AR: variants seen among roughly 807,000 people sequenced by gnomAD.
AR encodes the protein dihydrotestosterone receptor.
A neutral mutation model predicts 53.9 loss-of-function variants in AR; 8 were observed. The ratio of observed to expected loss-of-function variants is 0.15; its 90% CI spans 0.09 to 0.27. The LOEUF (loss-of-function observed/expected upper bound fraction) is 0.27. Among genes scored for constraint, AR ranks in the 10% least tolerant of loss-of-function variants. The pLI, the probability that AR is intolerant of heterozygous loss-of-function variation, is 1.00. For missense variants in AR, 639 were observed against 742.5 expected, an observed-to-expected ratio of 0.86 and a Z score of 1.62; for synonymous variants, 359 against 316.4, an observed-to-expected ratio of 1.13 and a Z score of -1.43.
intron 1 of AR, among the ~76,000 whole-genome samples, chrX:67,613,681 A>C (rs1025249933): frequency 9.0e-6 from 1 of 111,699 alleles, no homozygotes; most frequent in African/African-American, 3.3e-5. Flanking sequence ...TCCATCAGTA[A>C]AATGTGGAGG....
At chrX:67,612,634 A>G (rs1923934726) in intron 1 of AR, among the ~76,000 whole-genome samples, 1 of 112,486 alleles carries the variant, frequency 8.9e-6, no homozygotes, top group South Asian at 3.7e-4. Context: ...GGAATGGCAG[A>G]TCAAGGATCT....
At chrX:67,620,831 A>G (rs1468504992) in intron 1 of AR, among the ~76,000 whole-genome samples, 1 of 111,627 alleles carries the variant, frequency 9.0e-6, no homozygotes, top group African/African-American at 3.3e-5. Flanking sequence ...GGATATTTGT[A>G]TCTTTGGGCC....
chrX:67,694,629 G>A lies in AR; in HGVS notation c.1885+8503G>A, dbSNP rs182170143. 197 of 1,150,457 alleles carry A rather than the reference G, an allele frequency of 1.7e-4. No individual in the cohort carries two copies. The East Asian group carries it at 3.8e-3, about 22-fold the overall frequency. 94.8% of individuals were successfully genotyped at this position (1,150,457 alleles called of 1,213,427 possible). ...TATGGAGCCTGCTAGATACAAGCCC[G>A]TATTTAGACTGCTACAGTCAACAAT... On this transcript the variant is annotated intron_variant, in intron 3 of 7. Transcript: ENST00000374690.
Position 67,678,440 on chromosome X carries a change from C to T in AR, c.1769-7570C>T, listed in dbSNP as rs763050227. 2.7e-5 allele frequency among the ~76,000 whole-genome samples: 3 copies of T among 111,992 alleles called. No individual in the cohort carries two copies. The East Asian group carries it at 8.4e-4, about 31-fold the overall frequency. On this transcript the variant is annotated intron_variant, in intron 2 of 7. Coordinates refer to ENST00000374690, the MANE Select transcript of AR (RefSeq NM_000044.6). ...CTTATTTCACTTAGCATAATGTCTT[C>T]CAGCATCATCTATGTTGCTGCAAAT...
chrX:67,728,865 T>G lies in AR; in HGVS notation c.*5024T>G. On this transcript the variant is annotated 3_prime_UTR_variant, in exon 8 of 8. Coordinates refer to ENST00000374690, the MANE Select transcript of AR (RefSeq NM_000044.6). ...ACATGATACATTGTACTTTACTAGT[T>G]CAAGACAGATGAATGTGGAAAGCAT... 5.9e-6 allele frequency: 1 copy of G among 169,975 alleles called. No homozygotes were observed. The highest frequency in any genetic ancestry group is 8.4e-5 in the East Asian group (1 of 11,884). The allele number at this position is 169,975 out of a possible 1,213,427, so 14.0% of individuals were successfully genotyped here.
At chrX:67,610,273 T>A (rs1314562004) in intron 1 of AR, among the ~76,000 whole-genome samples, 1 of 111,575 alleles carries the variant, frequency 9.0e-6, no homozygotes, top group Admixed American at 9.6e-5. Context: ...ACTAATTAAT[T>A]AATGTCATAA....
At chrX:67,579,926 A>C (rs2147354234) in intron 1 of AR, among the ~76,000 whole-genome samples, 1 of 111,235 alleles carries the variant, frequency 9.0e-6, no homozygotes, top group Admixed American at 9.6e-5. Flanking sequence ...GAAAGGGTTA[A>C]ATTGTTCCTT....
rs900608347 is a variant in AR at position 67,724,629 on chromosome X, T to G, written c.*788T>G. 1.1e-5 allele frequency: 2 copies of G among 173,941 alleles called. No individual in the cohort carries two copies. The highest frequency in any genetic ancestry group is 2.2e-5 in the Non-Finnish European group (2 of 91,576). 14.3% of individuals were successfully genotyped at this position (173,941 alleles called of 1,213,427 possible). On this transcript the variant is annotated 3_prime_UTR_variant, in exon 8 of 8. Coordinates refer to ENST00000374690, the MANE Select transcript of AR (RefSeq NM_000044.6). ...AGTACCTGCCCACAGCCTTGGTCCC[T>G]GGGGGCTAGACTGCTCAACTGTGGA... is the stretch of plus-strand genomic sequence containing the variant.
intron 1 of AR, among the ~76,000 whole-genome samples, chrX:67,617,517 C>A (rs1006619406): frequency 8.1e-5 from 9 of 111,515 alleles, no homozygotes; most frequent in African/African-American, 2.3e-4. Flanking sequence ...CGTTAAAGAA[C>A]CCCTAATCCA....
chrX:67,583,841 C>T (rs1294006913), intron 1 of AR, among the ~76,000 whole-genome samples: 1 of 111,837 alleles, frequency 8.9e-6, no homozygotes, highest in Non-Finnish European at 1.9e-5. Flanking sequence ...TTTAGGAATA[C>T]ACATGTGATC....
intron 1 of AR, among the ~76,000 whole-genome samples, chrX:67,589,121 G>C (rs749674714): frequency 8.9e-6 from 1 of 111,883 alleles, no homozygotes; most frequent in South Asian, 3.7e-4. Flanking sequence ...TAATTAGCCG[G>C]GCGCGGTGGC....
At chrX:67,605,685 T>TA (rs943661323) in intron 1 of AR, among the ~76,000 whole-genome samples, 2 of 111,483 alleles carry the variant, frequency 1.8e-5, no homozygotes, top group African/African-American at 3.3e-5. Context: ...TATTTGTCCC[T>TA]AAAAAAAGCA....
intron 3 of AR, chrX:67,694,900 G>C (rs2076012876): frequency 1.9e-6 from 2 of 1,048,265 alleles, no homozygotes; most frequent in South Asian, 5.7e-5. Flanking sequence ...GACCAATAGT[G>C]TTTTCCTACC....
Position 67,722,882 on chromosome X carries a change from C to T in AR, c.2505C>T (p.Tyr835=). 3 of 1,210,947 alleles carry T rather than the reference C, an allele frequency of 2.5e-6. No individual in the cohort carries two copies. The highest frequency in any genetic ancestry group is 2.2e-6 in the Non-Finnish European group (2 of 894,859). Residue 835 remains tyrosine (Y), a synonymous_variant, in exon 7 of 8, where the codon TAC becomes TAT. Coordinates refer to ENST00000374690, the MANE Select transcript of AR (RefSeq NM_000044.6). ...TCTTTGATGAACTTCGAATGAACTA[C>T]ATCAAGGAACTCGATCGTATCATTG... ...QKFFDELRMN[Y]IKELDRIIAC...
At chrX:67,660,645 C>T (rs1299669116) in intron 2 of AR, among the ~76,000 whole-genome samples, 3 of 111,457 alleles carry the variant, frequency 2.7e-5, no homozygotes, top group Non-Finnish European at 5.7e-5. Flanking sequence ...AGTCAGATAG[C>T]GTGATGCCTC....
chrX:67,652,049 C>T (rs750301209), intron 2 of AR, among the ~76,000 whole-genome samples: 2 of 111,816 alleles, frequency 1.8e-5, no homozygotes, highest in East Asian at 5.7e-4. Flanking sequence ...TTTGAGCCTT[C>T]TCAGCAGAGC....
At chrX:67,688,909 T>G (rs993108484) in intron 3 of AR, among the ~76,000 whole-genome samples, 1 of 111,079 alleles carries the variant, frequency 9.0e-6, no homozygotes, top group African/African-American at 3.3e-5. Context: ...CCTTAAGGAG[T>G]AGACTTCCAT....
chrX:67,700,829 G>T (rs1805487910), intron 3 of AR, among the ~76,000 whole-genome samples: 1 of 112,136 alleles, frequency 8.9e-6, no homozygotes, highest in South Asian at 3.7e-4. Context: ...ATCCCAGGGA[G>T]ATCTGAGTCA....
chrX:67,690,443 C>A (rs2075989689), intron 3 of AR, among the ~76,000 whole-genome samples: 1 of 111,451 alleles, frequency 9.0e-6, no homozygotes, highest in Non-Finnish European at 1.9e-5. Flanking sequence ...TCAAGAGCAT[C>A]CCAGCATTGC....
Sources: gnomAD v4.1 joint callset for allele counts (sites outside exome capture counted in the v4.1 genomes callset) on GRCh38, gnomAD v4.1.1 for gene constraint, MANE v1.5 for transcripts, NCBI Gene and HGNC (gene_info 2026-07-23, HGNC 2026-07-21) for gene names.